Variants in SSH2 observed in about 807,000 individuals in gnomAD.
SSH2 encodes slingshot protein phosphatase 2, also known as protein phosphatase Slingshot homolog 2.
A neutral mutation model predicts 135.2 loss-of-function variants in SSH2; 37 were observed. The ratio of observed to expected loss-of-function variants is 0.27; its 90% confidence interval spans 0.21 to 0.36. The LOEUF (loss-of-function observed/expected upper bound fraction) is 0.36, where lower values mean the gene tolerates loss of function less well. Among genes scored for constraint, SSH2 ranks in the 10% least tolerant of loss-of-function variants. The pLI is 1.00. For synonymous variants in SSH2, 628 were observed against 646.2 expected, an observed-to-expected ratio of 0.97 and a Z score of 0.43; for missense variants, 1,408 against 1,765.3, an observed-to-expected ratio of 0.80 and a Z score of 3.63.
intron 2 of SSH2, among the ~76,000 whole-genome samples, chr17:29,808,354 C>T (rs1412478645): frequency 6.6e-6 from 1 of 152,210 alleles, no homozygotes; most frequent in East Asian, 1.9e-4. Context: ...GTCTCGAACT[C>T]CTGACCTCAG....
Position 29,862,419 on chromosome 17 carries a change from C to A in SSH2, c.64-13490G>T, listed in dbSNP as rs1037612221. 3.3e-5 allele frequency among the ~76,000 whole-genome samples: 5 copies of A among 152,148 alleles called. No individual in the cohort carries two copies. In the East Asian group the frequency reaches 7.7e-4, roughly 23 times the overall value. On this transcript the variant is annotated intron_variant, in intron 1 of 15. Coordinates refer to ENST00000540801, the MANE Select transcript of SSH2 (RefSeq NM_001282129.2). ...TAGTTGTTGCAATTCTTCCTTGTTG[C>A]TATAAAAATAACACAACTTGAAGAT...
chr17:29,695,868 G>A (rs965718073), intron 4 of SSH2, among the ~76,000 whole-genome samples: 1 of 152,036 alleles, frequency 6.6e-6, no homozygotes, highest in Non-Finnish European at 1.5e-5. Flanking sequence ...CTGTTTTTGG[G>A]CCCACTGAAG....
chr17:29,922,060 T>A (rs1457857288), intron 1 of SSH2, among the ~76,000 whole-genome samples: 1 of 151,888 alleles, frequency 6.6e-6, no homozygotes, highest in Non-Finnish European at 1.5e-5. Context: ...CCAGAAGAAG[T>A]GACATTTAAG....
At chr17:29,810,021 T>C (rs1435605843) in intron 2 of SSH2, among the ~76,000 whole-genome samples, 2 of 152,190 alleles carry the variant, frequency 1.3e-5, no homozygotes, top group African/African-American at 4.8e-5. Context: ...GTCTCCATAT[T>C]ATAAGCTTGA....
intron 1 of SSH2, among the ~76,000 whole-genome samples, chr17:29,917,228 T>C (rs1462213063): frequency 6.6e-6 from 1 of 152,210 alleles, no homozygotes; most frequent in Non-Finnish European, 1.5e-5. Flanking sequence ...CTTCTAATTA[T>C]AAATGAAACT....
Position 29,750,270 on chromosome 17 carries a change from T to C in SSH2, c.188+43624A>G, listed in dbSNP as rs2040887331. ...CTGGCCAACATGGCGAAACCCCATC[T>C]CTACCACAAAATATACAAATTAGCC... is the stretch of plus-strand genomic sequence containing the variant. On this transcript the variant is annotated intron_variant, in intron 3 of 15. Transcript: ENST00000540801. Among the ~76,000 whole-genome samples, 3 of 151,050 alleles carry C rather than the reference T, an allele frequency of 2.0e-5. 1 individual carries two copies. The South Asian group carries it at 6.3e-4, about 32-fold the overall frequency.
intron 1 of SSH2, among the ~76,000 whole-genome samples, chr17:29,918,177 T>C (rs1039214177): frequency 4.6e-5 from 7 of 152,080 alleles, no homozygotes; most frequent in Middle Eastern, 3.2e-3. Flanking sequence ...CAGATGGAGA[T>C]CCTGTCTCAA....
At chr17:29,734,068 G>A (rs974266353) in intron 3 of SSH2, among the ~76,000 whole-genome samples, 7 of 151,900 alleles carry the variant, frequency 4.6e-5, no homozygotes, top group Non-Finnish European at 7.4e-5. Context: ...ACAGGCGCCC[G>A]CCACCATGCC....
chr17:29,882,689 T>C (rs1208529416), intron 1 of SSH2, among the ~76,000 whole-genome samples: 1 of 151,784 alleles, frequency 6.6e-6, no homozygotes, highest in African/African-American at 2.4e-5. Flanking sequence ...GGGGTGGAGG[T>C]TGCAGTGAGC....
At chr17:29,753,050 T>A (rs1320454539) in intron 3 of SSH2, among the ~76,000 whole-genome samples, 1 of 152,144 alleles carries the variant, frequency 6.6e-6, no homozygotes, top group Non-Finnish European at 1.5e-5. Context: ...CATAAAGTTG[T>A]TAAGAAGAGA....
At position 29,703,058 on chromosome 17, in the gene SSH2, T is replaced by G. The variant is rs2039053212; in HGVS notation, c.193A>C (p.Ser65Arg). 6.2e-7 allele frequency: 1 copy of G among 1,610,340 alleles called. No individual in the cohort carries two copies. The highest frequency in any genetic ancestry group is 8.5e-7 in the Non-Finnish European group (1 of 1,176,616). ...CCTTTGACAGTTAGAAAGCTCTCGCTGATGCTACAAGGAAAAAGTCAAAAG... is the reference window on the plus strand; with the variant it reads ...CCTTTGACAGTTAGAAAGCTCTCGCGGATGCTACAAGGAAAAAGTCAAAAG... The part of the protein sequence containing the change: ...EECRSQPRSI[S>R]ESFLTVKGAA... Residue 65 changes from serine (S) to arginine (R), a missense_variant, in exon 4 of 16, where the codon AGC (serine) becomes CGC (arginine). Physicochemically the swap from Ser to Arg is moderately radical, Grantham distance 110. This residue lies in a region of SSH2 where 222 missense variants were observed against 355.6 expected (regional missense o/e 0.62). Transcript: ENST00000540801.
intron 1 of SSH2, among the ~76,000 whole-genome samples, chr17:29,881,165 A>G (rs1309326910): frequency 6.6e-6 from 1 of 152,256 alleles, no homozygotes; most frequent in Non-Finnish European, 1.5e-5. Context: ...ATCAATTATC[A>G]CAAATGAAAT....
At chr17:29,853,086 ATT>A (rs35782935) in intron 1 of SSH2, among the ~76,000 whole-genome samples, 17 of 134,762 alleles carry the variant, frequency 1.3e-4, no homozygotes, top group African/African-American at 2.7e-4. Flanking sequence ...CACTGCAGAG[ATT>A]TTTTTTTTTT....
chr17:29,651,778 G>A (rs1190295002), intron 12 of SSH2, among the ~76,000 whole-genome samples: 1 of 152,126 alleles, frequency 6.6e-6, no homozygotes, highest in Non-Finnish European at 1.5e-5. Flanking sequence ...AATTTTCTCA[G>A]ACACGAATTG....
At chr17:29,802,618 C>CAAAAAAAA (rs74267073) in intron 2 of SSH2, among the ~76,000 whole-genome samples, 1 of 57,366 alleles carries the variant, frequency 1.7e-5, no homozygotes, top group Non-Finnish European at 3.5e-5. Flanking sequence ...ACTGTTTCTA[C>CAAAAAAAA]AAAAAAAAAA....
chr17:29,732,827 T>C (rs992172158), intron 3 of SSH2, among the ~76,000 whole-genome samples: 3 of 152,220 alleles, frequency 2.0e-5, no homozygotes, highest in African/African-American at 7.2e-5. Flanking sequence ...TCATCCGGAA[T>C]AGATAAATGT....
chr17:29,678,511 A>G (rs761924472), intron 6 of SSH2, among the ~76,000 whole-genome samples: 9 of 152,186 alleles, frequency 5.9e-5, no homozygotes, highest in Non-Finnish European at 1.0e-4. Context: ...ATAGTCTAAA[A>G]GGCAAAGGGA....
chr17:29,681,331 CAAAAAAAAAAAAAAA>C (rs764461213), intron 6 of SSH2, among the ~76,000 whole-genome samples: 9 of 14,356 alleles, frequency 6.3e-4, no homozygotes, highest in Admixed American at 1.2e-3. Context: ...GAGACTGTCT[CAAAAAAAAAAAAAAA>C]AAAAAAAAAA....
At chr17:29,639,926 C>T (rs955207325) in intron 14 of SSH2, among the ~76,000 whole-genome samples, 39 of 152,292 alleles carry the variant, frequency 2.6e-4, no homozygotes, top group Admixed American at 9.1e-4. Context: ...TTCAAACCTG[C>T]ACCAGCTTCT....
Sources: gnomAD v4.1 joint callset for allele counts (sites outside exome capture counted in the v4.1 genomes callset) on GRCh38, gnomAD v4.1.1 for gene constraint, gnomAD v4.1.1 regional missense constraint, MANE v1.5 for transcripts, NCBI Gene and HGNC (gene_info 2026-07-23, HGNC 2026-07-21) for gene names.